SYNE1: variants seen among roughly 807,000 people sequenced by gnomAD.
SYNE1 encodes the protein nesprin-1.
SYNE1 carries 616 observed loss-of-function variants against 1,111.0 expected under a neutral mutation model. The ratio of observed to expected loss-of-function variants is 0.55; its 90% confidence interval spans 0.52 to 0.59. The LOEUF is 0.59. Among genes scored for constraint, SYNE1 ranks in the 20% least tolerant of loss-of-function variants. The pLI, the probability that SYNE1 is intolerant of heterozygous loss-of-function variation, is 0.00. For missense variants in SYNE1, 10,006 were observed against 10,417.0 expected, an observed-to-expected ratio of 0.96 and a Z score of 1.72; for synonymous variants, 3,855 against 3,825.8, an observed-to-expected ratio of 1.01 and a Z score of -0.28.
chr6:152,621,967 T>G (rs1332311287), intron 3 of SYNE1, among the ~76,000 whole-genome samples: 1 of 152,200 alleles, frequency 6.6e-6, no homozygotes, highest in Admixed American at 6.6e-5. Flanking sequence ...TAGGACCCAA[T>G]GTAATTGATT....
intron 14 of SYNE1, among the ~76,000 whole-genome samples, chr6:152,480,162 G>T (rs1261423789): frequency 6.6e-6 from 1 of 152,196 alleles, no homozygotes; most frequent in East Asian, 1.9e-4. Context: ...GCACAGAGGT[G>T]TTACATCAAA....
chr6:152,400,627 A>C (rs1563725469), intron 47 of SYNE1, among the ~76,000 whole-genome samples: 1 of 152,154 alleles, frequency 6.6e-6, no homozygotes, highest in Admixed American at 6.6e-5. Flanking sequence ...GTGCCACTGC[A>C]CTCCAGCCTG....
At chr6:152,415,122 GA>G (rs1415654212) in intron 41 of SYNE1, among the ~76,000 whole-genome samples, 1 of 151,894 alleles carries the variant, frequency 6.6e-6, no homozygotes. Flanking sequence ...TTTGCCCACT[GA>G]AAAAAATGGA....
Position 152,242,371 on chromosome 6 carries a change from T to C in SYNE1, c.19762A>G (p.Lys6588Glu). ...TGTAGGGCCCTCTCATACTGACTCTTGAGTGTAAGGTTCTGATTCAGACCA... is the reference window on the plus strand; with the variant it reads ...TGTAGGGCCCTCTCATACTGACTCTCGAGTGTAAGGTTCTGATTCAGACCA... ...RSGLNQNLTLKSQYERALQDL... is the reference protein window; with the variant it reads ...RSGLNQNLTLESQYERALQDL... The change falls in exon 107 of 146, where the codon AAG becomes GAG. Residue 6588 changes from lysine to glutamate, a missense_variant. Transcript: ENST00000367255. The C allele has an allele frequency of 1.9e-6, 3 of 1,614,118 alleles. No individual in the cohort carries two copies. Among genetic ancestry groups the C allele is most frequent in the South Asian group, 2.2e-5 (2 of 91,078 alleles).
intron 58 of SYNE1, among the ~76,000 whole-genome samples, chr6:152,374,635 G>A (rs564217255): frequency 3.3e-5 from 5 of 152,244 alleles, no homozygotes; most frequent in Non-Finnish European, 4.4e-5. Flanking sequence ...TTAGCTGGGC[G>A]TGTTGACGCA....
rs2077548423 is a variant in SYNE1 at position 152,211,682 on chromosome 6, A to C, written c.22495-94T>G. 18 of 1,060,370 alleles carry C rather than the reference A, an allele frequency of 1.7e-5. No individual in the cohort carries two copies. The South Asian group carries it at 2.4e-4, about 14-fold the overall frequency. The allele number at this position is 1,060,370 out of a possible 1,614,324, so 65.7% of individuals were successfully genotyped here. On this transcript the variant is annotated intron_variant, in intron 123 of 145. Transcript: ENST00000367255. ...TTCCAAATATTCTAGTTTTCGCAAG[A>C]CTATGAAAGCTATCACCAGCTGAAC...
chr6:152,286,366 T>C (rs1216136741), intron 95 of SYNE1, among the ~76,000 whole-genome samples: 1 of 152,184 alleles, frequency 6.6e-6, no homozygotes, highest in African/African-American at 2.4e-5. Flanking sequence ...ATTTGAGCTT[T>C]ATAGAAATGG....
At chr6:152,581,466 T>C (rs542047211) in intron 3 of SYNE1, among the ~76,000 whole-genome samples, 2 of 152,336 alleles carry the variant, frequency 1.3e-5, no homozygotes, top group African/African-American at 4.8e-5. Flanking sequence ...AAAAGGATGA[T>C]GTAGGGACTT....
At chr6:152,310,606 G>T in intron 88 of SYNE1, 82 bp downstream of exon 88, 1 of 1,608,956 alleles carries the variant, frequency 6.2e-7, no homozygotes, top group South Asian at 1.1e-5. Flanking sequence ...CATCACAGGT[G>T]AGCACTATTT....
chr6:152,416,628 G>C lies in SYNE1; in HGVS notation c.5809C>G (p.Leu1937Val), dbSNP rs1384241452. 6.2e-7 allele frequency: 1 copy of C among 1,614,196 alleles called. No homozygotes were observed. Among genetic ancestry groups the C allele is most frequent in the African/African-American group, 1.3e-5 (1 of 75,042 alleles). Residue 1937 changes from leucine (L) to valine (V), a missense_variant, in exon 41 of 146, where the codon CTG becomes GTG. Physicochemically the swap from Leu to Val is conservative, Grantham distance 32. Transcript: ENST00000367255. ...CTTTGCTCAGAGCTCCCGATTTTCA[G>C]ATGGTATTGGGCTTTGGAAAGAATG... ...DGILSKAQYH[L>V]KIGSSEQRTS...
chr6:152,156,647 T>G (rs67566067), intron 131 of SYNE1, among the ~76,000 whole-genome samples: 25,691 of 152,162 alleles, frequency 0.17, 2,240 homozygotes, highest in African/African-American at 0.19. Flanking sequence ...TACTGTATTG[T>G]TTAGGGAATC....
intron 9 of SYNE1, among the ~76,000 whole-genome samples, chr6:152,504,902 C>T (rs533560373): frequency 1.0e-3 from 159 of 152,276 alleles, no homozygotes; most frequent in African/African-American, 3.6e-3. Context: ...CTGTCACCTA[C>T]CCCTCATACA....
chr6:152,494,444 C>T (rs1036753079), intron 11 of SYNE1, among the ~76,000 whole-genome samples: 1 of 152,152 alleles, frequency 6.6e-6, no homozygotes, highest in African/African-American at 2.4e-5. Flanking sequence ...TCACCCTGAT[C>T]ACACTTGGTT....
intron 3 of SYNE1, among the ~76,000 whole-genome samples, chr6:152,598,298 C>T (rs1182887761): frequency 6.6e-6 from 1 of 152,146 alleles, no homozygotes; most frequent in African/African-American, 2.4e-5. Flanking sequence ...GCTCTCTTAT[C>T]TTGCCTGCTG....
chr6:152,310,653 A>G, intron 88 of SYNE1, 35 bp downstream of exon 88: 1 of 1,609,108 alleles, frequency 6.2e-7, no homozygotes, highest in East Asian at 2.2e-5. Flanking sequence ...AATGATAGAC[A>G]TTTTTTTCTG....
rs747349875 is a variant in SYNE1, at chr6:152,396,921, T to C, written c.7410A>G (p.Gly2470=). ...TAGACAAATGTGCATACAAAGTTTGTCCTTCTTGAGTCACTGCATCAAGTT... is the reference window on the plus strand; with the variant it reads ...TAGACAAATGTGCATACAAAGTTTGCCCTTCTTGAGTCACTGCATCAAGTT... The part of the protein sequence containing the change: ...QSKLDAVTQE[G]QTLYAHLSKQ... Residue 2470 remains glycine (G), a synonymous_variant, in exon 50 of 146, where the codon GGA becomes GGG. Coordinates refer to ENST00000367255, the MANE Select transcript of SYNE1 (RefSeq NM_182961.4). The C allele has an allele frequency of 6.2e-7, 1 of 1,614,214 alleles. No individual in the cohort carries two copies. The highest frequency in any genetic ancestry group is 2.2e-5 in the East Asian group (1 of 44,888).
In SYNE1 at chr6:152,604,247, G is replaced by A. The variant is rs991613886; in HGVS notation, c.67+24018C>T. On this transcript the variant is annotated intron_variant, in intron 3 of 145. Coordinates refer to ENST00000367255, the MANE Select transcript of SYNE1 (RefSeq NM_182961.4). Reference sequence around the variant, plus strand: ...CACTTTATTCTTTATACTGTTCTATGTTGGTTGAATTTTAAGGAACTTGCA... The same window carrying A: ...CACTTTATTCTTTATACTGTTCTATATTGGTTGAATTTTAAGGAACTTGCA... Among the ~76,000 whole-genome samples the A allele has an allele frequency of 2.4e-4, 36 of 151,566 alleles. 1 individual carries two copies. The highest frequency in any genetic ancestry group is 8.0e-4 in the African/African-American group (33 of 41,268).
chr6:152,149,534 G>A lies in SYNE1; in HGVS notation c.24585C>T (p.Tyr8195=). 6.2e-7 allele frequency: 1 copy of A among 1,614,180 alleles called. No individual in the cohort carries two copies. The highest frequency in any genetic ancestry group is 8.5e-7 in the Non-Finnish European group (1 of 1,180,036). The change falls in exon 136 of 146, where the codon TAC becomes TAT. Residue 8195 remains tyrosine (Y), a synonymous_variant. Transcript: ENST00000367255. ...IEEELDELRR[Y]CQEVFGRVER... ...CCACACGCCCGAAGACCTCCTGGCAGTACCGTCGGAGCTCATCTAGTTCCT... is the reference window on the plus strand; with the variant it reads ...CCACACGCCCGAAGACCTCCTGGCAATACCGTCGGAGCTCATCTAGTTCCT...
At chr6:152,401,696 C>T (rs996900245) in intron 46 of SYNE1, among the ~76,000 whole-genome samples, 25 of 152,172 alleles carry the variant, frequency 1.6e-4, no homozygotes, top group African/African-American at 6.0e-4. Flanking sequence ...CCTGGAAATA[C>T]CCATTGTCTG....
Sources: gnomAD v4.1 joint callset for allele counts (sites outside exome capture counted in the v4.1 genomes callset) on GRCh38, gnomAD v4.1.1 for gene constraint, MANE v1.5 for transcripts, NCBI Gene and HGNC (gene_info 2026-07-23, HGNC 2026-07-21) for gene names.